CDH8: variants seen among roughly 807,000 people sequenced by gnomAD.
The protein encoded by CDH8 is cadherin-8.
In CDH8, 17 loss-of-function variants were observed where a neutral mutation model predicts 68.1. That is an observed-to-expected ratio of 0.25 (90% confidence interval 0.17 to 0.37). The LOEUF (loss-of-function observed/expected upper bound fraction) is 0.37. Ranked by LOEUF, CDH8 falls within the 10% of genes least tolerant of loss-of-function variation. The probability of loss-of-function intolerance (pLI) is 1.00; values close to 1 mark genes in which losing one functional copy is unlikely to be tolerated. For missense variants in CDH8, 763 were observed against 999.3 expected (o/e 0.76, Z 3.19); for synonymous variants, 372 against 365.1 (o/e 1.02, Z -0.21).
At chr16:62,030,311 A>G (rs1902294267) in intron 1 of CDH8, among the ~76,000 whole-genome samples, 2 of 152,208 alleles carry the variant, frequency 1.3e-5, no homozygotes, top group Admixed American at 1.3e-4. Flanking sequence ...GTTTAGTGAC[A>G]CTCAAAGGCA....
chr16:61,720,627 A>G (rs919443814), intron 9 of CDH8, among the ~76,000 whole-genome samples: 3 of 150,916 alleles, frequency 2.0e-5, no homozygotes, highest in African/African-American at 7.3e-5. Context: ...ATGTGTTTCT[A>G]TATGATGATT....
chr16:61,759,031 AG>A (rs1391320217), intron 8 of CDH8, among the ~76,000 whole-genome samples: 1 of 152,182 alleles, frequency 6.6e-6, no homozygotes, highest in African/African-American at 2.4e-5. Context: ...GGCTAAGGAT[AG>A]GGTATGTCTC....
At position 61,718,537 on chromosome 16, in the gene CDH8, G is replaced by A. The variant is rs1256106766; in HGVS notation, c.1537-4579C>T. Among the ~76,000 whole-genome samples the A allele has an allele frequency of 2.6e-5, 4 of 151,398 alleles. No individual in the cohort carries two copies. The East Asian group carries it at 7.8e-4, about 30-fold the overall frequency. ...AAGGGGGTGAAGGAAAGGAAGGGAA[G>A]TTACGGTCGATGAAGAAGGAACAGC... On this transcript the variant is annotated intron_variant, in intron 9 of 11. Coordinates refer to ENST00000577390, the MANE Select transcript of CDH8 (RefSeq NM_001796.5).
At chr16:61,742,583 T>C (rs2142927300) in intron 8 of CDH8, among the ~76,000 whole-genome samples, 1 of 152,312 alleles carries the variant, frequency 6.6e-6, no homozygotes, top group South Asian at 2.1e-4. Flanking sequence ...TTTCTGCATC[T>C]ATAAAGATAG....
intron 2 of CDH8, among the ~76,000 whole-genome samples, chr16:61,906,685 T>G (rs1279821595): frequency 6.6e-6 from 1 of 152,170 alleles, no homozygotes; most frequent in Non-Finnish European, 1.5e-5. Context: ...GGAAGCCCAG[T>G]AAATATTTGT....
At chr16:61,920,981 A>G (rs1314891565) in intron 2 of CDH8, among the ~76,000 whole-genome samples, 1 of 149,296 alleles carries the variant, frequency 6.7e-6, no homozygotes, top group Non-Finnish European at 1.5e-5. Context: ...GGAAATCATC[A>G]TTCTCAGTAA....
chr16:61,662,086 A>ATT (rs1491566457), intron 10 of CDH8, among the ~76,000 whole-genome samples: 1 of 70,728 alleles, frequency 1.4e-5, no homozygotes, highest in Non-Finnish European at 2.9e-5. Flanking sequence ...GTTTTACTTT[A>ATT]GTTTTTTTTT....
In CDH8 at chr16:61,713,899, T is replaced by A. The variant is rs1326531106; in HGVS notation, c.1596A>T (p.Leu532Phe). ...KDDPKNGHYF[L>F]YSLLPEMVNN... ...TGACCATTTCTGGAAGGAGACTGTA[T>A]AAGAAATAATGTCCGTTTTTGGGAT... Residue 532 changes from leucine (L) to phenylalanine (F), a missense_variant, in exon 10 of 12, where the codon TTA (leucine) becomes TTT (phenylalanine). Transcript: ENST00000577390. The A allele has an allele frequency of 1.2e-6, 2 of 1,609,684 alleles. No individual in the cohort carries two copies. Among genetic ancestry groups the A allele is most frequent in the African/African-American group, 2.7e-5 (2 of 74,644 alleles).
intron 2 of CDH8, among the ~76,000 whole-genome samples, chr16:61,971,174 G>C (rs1268492023): frequency 6.6e-6 from 1 of 152,090 alleles, no homozygotes; most frequent in Non-Finnish European, 1.5e-5. Context: ...ACCCTTTGCT[G>C]ACTCTCTTTT....
intron 1 of CDH8, 76 bp from the exon 2 acceptor site, chr16:62,021,678 CACCTGA>C: frequency 2.5e-6 from 2 of 791,178 alleles, no homozygotes; most frequent in Non-Finnish European, 3.5e-6. Flanking sequence ...TTTTCAAAAG[CACCTGA>C]AGTGAACAAT....
chr16:61,829,190 A>G (rs1962403168), intron 4 of CDH8, among the ~76,000 whole-genome samples: 1 of 151,670 alleles, frequency 6.6e-6, no homozygotes, highest in African/African-American at 2.4e-5. Flanking sequence ...GTATTTGGCC[A>G]CTCAGGTTAT....
chr16:61,736,613 T>C (rs1487823937), intron 8 of CDH8, among the ~76,000 whole-genome samples: 2 of 152,148 alleles, frequency 1.3e-5, no homozygotes, highest in African/African-American at 4.8e-5. Flanking sequence ...CCAAAATATC[T>C]TATCTTTATC....
chr16:61,718,934 G>C (rs373469442), intron 9 of CDH8, among the ~76,000 whole-genome samples: 1 of 149,744 alleles, frequency 6.7e-6, no homozygotes, highest in African/African-American at 2.4e-5. Context: ...GGGGAATATA[G>C]GTAAATAAGA....
intron 7 of CDH8, among the ~76,000 whole-genome samples, chr16:61,801,528 T>A (rs999402687): frequency 6.6e-6 from 1 of 152,016 alleles, no homozygotes; most frequent in Non-Finnish European, 1.5e-5. Flanking sequence ...AGAAGACGGG[T>A]GATTTCTGCA....
chr16:61,849,016 G>T (rs930526385), intron 4 of CDH8, among the ~76,000 whole-genome samples: 1 of 151,842 alleles, frequency 6.6e-6, no homozygotes. Flanking sequence ...CTTGATATAG[G>T]GATTAAATAA....
chr16:62,032,756 C>G (rs935212901), intron 1 of CDH8, among the ~76,000 whole-genome samples: 5 of 152,176 alleles, frequency 3.3e-5, no homozygotes, highest in Non-Finnish European at 7.4e-5. Context: ...TGTCACTTTA[C>G]CCCTTGAAAG....
At chr16:61,889,686 G>A (rs749597744) in intron 3 of CDH8, among the ~76,000 whole-genome samples, 8 of 152,150 alleles carry the variant, frequency 5.3e-5, no homozygotes, top group Non-Finnish European at 7.3e-5. Context: ...GAATGGTTAT[G>A]TAATAACAAT....
At chr16:61,923,626 A>T (rs377006430) in intron 2 of CDH8, among the ~76,000 whole-genome samples, 7 of 151,724 alleles carry the variant, frequency 4.6e-5, no homozygotes, top group African/African-American at 1.4e-4. Context: ...TCACATATAC[A>T]ACATAAAGCT....
intron 2 of CDH8, among the ~76,000 whole-genome samples, chr16:61,967,325 G>A (rs942744000): frequency 1.3e-5 from 2 of 152,128 alleles, no homozygotes; most frequent in South Asian, 4.1e-4. Flanking sequence ...TAGTGTGTAG[G>A]TTTTATTTCT....
Sources: gnomAD v4.1 joint callset for allele counts (sites outside exome capture counted in the v4.1 genomes callset) on GRCh38, gnomAD v4.1.1 for gene constraint, MANE v1.5 for transcripts, NCBI Gene and HGNC (gene_info 2026-07-23, HGNC 2026-07-21) for gene names.